The following VCAN variants were observed in gnomAD, a reference collection of about 807,000 sequenced individuals.
VCAN encodes versican core protein.
In VCAN, 44 loss-of-function variants were observed where a neutral mutation model predicts 245.5. The observed-to-expected ratio is 0.18, with a 90% confidence interval of 0.14 to 0.23. VCAN has a LOEUF of 0.23. Ranked by LOEUF, VCAN falls within the 10% of genes least tolerant of loss-of-function variation. The pLI is 1.00. For synonymous variants in VCAN, 1,413 were observed against 1,437.0 expected (o/e 0.98, Z 0.38); for missense variants, 3,793 against 4,057.9 (o/e 0.93, Z 1.77).
intron 5 of VCAN, among the ~76,000 whole-genome samples, chr5:83,498,873 T>A (rs1177057294): frequency 6.6e-6 from 1 of 152,216 alleles, no homozygotes; most frequent in Non-Finnish European, 1.5e-5. Context: ...GTAATTCTCC[T>A]ACTTAACGTT....
intron 5 of VCAN, among the ~76,000 whole-genome samples, chr5:83,505,539 C>T (rs1339467250): frequency 6.6e-6 from 1 of 152,184 alleles, no homozygotes; most frequent in Admixed American, 6.5e-5. Context: ...GGCAGCTCAG[C>T]CCCTGTGGCT....
rs536285088 is a variant in VCAN at position 83,480,414 on chromosome 5, A to T, written c.-6-3099A>T. Among the ~76,000 whole-genome samples the T allele has an allele frequency of 3.3e-5, 5 of 152,230 alleles. No homozygotes were observed. In the East Asian group the frequency reaches 7.7e-4, roughly 24 times the overall value. On this transcript the variant is annotated intron_variant, in intron 1 of 14. Coordinates refer to ENST00000265077, the MANE Select transcript of VCAN (RefSeq NM_004385.5). ...CTTTGGTTTTTTTAAATGAGATTTGACTCTCTAGATATTGACAAACATCAT... is the reference window on the plus strand; with the variant it reads ...CTTTGGTTTTTTTAAATGAGATTTGTCTCTCTAGATATTGACAAACATCAT...
Position 83,494,426 on chromosome 5 carries a change from G to A in VCAN, c.748+495G>A, listed in dbSNP as rs537881765. Among the ~76,000 whole-genome samples, 6 of 152,240 alleles carry A rather than the reference G, an allele frequency of 3.9e-5. 1 individual carries two copies. The South Asian group carries it at 1.2e-3, about 32-fold the overall frequency. Reference sequence around the variant, plus strand: ...GAGCAATCCTTCCTTCATTCAACCAGTCAATACGTTAAACCAGTTAACACA... The same window carrying A: ...GAGCAATCCTTCCTTCATTCAACCAATCAATACGTTAAACCAGTTAACACA... On this transcript the variant is annotated intron_variant, in intron 5 of 14. Transcript: ENST00000265077.
chr5:83,531,108 C>A (rs310512), intron 7 of VCAN, among the ~76,000 whole-genome samples: 12,022 of 152,122 alleles, frequency 0.079, 729 homozygotes, highest in African/African-American at 0.16. Flanking sequence ...ACAGCTTTTG[C>A]TTCTCCATAA....
At position 83,520,779 on chromosome 5, in the gene VCAN, A is replaced by G. The variant is rs1182779081; in HGVS notation, c.2473A>G (p.Lys825Glu). The G allele has an allele frequency of 1.9e-6, 3 of 1,614,154 alleles. No homozygotes were observed. In the East Asian group the frequency reaches 6.7e-5, roughly 36 times the overall value. Residue 825 changes from lysine to glutamate, a missense_variant, in exon 7 of 15, where the codon AAA becomes GAA. Lys to Glu is a moderately conservative substitution (Grantham distance 56). Around this residue, in one of 5 missense-constraint regions of VCAN, gnomAD observed 3,182 missense variants for 3,250.3 expected, o/e 0.98. Transcript: ENST00000265077. The stretch of plus-strand genomic sequence containing the variant: ...GTCTACAGAACCTTCAGCCTCTTCA[A>G]AATTGCCCCCTGCCTTACTCACAAC... Reference protein sequence around the residue: ...LESTEPSASSKLPPALLTTVG... With the variant: ...LESTEPSASSELPPALLTTVG...
chr5:83,549,669 A>G (rs954967777), intron 10 of VCAN, among the ~76,000 whole-genome samples: 2 of 152,212 alleles, frequency 1.3e-5, no homozygotes, highest in Non-Finnish European at 2.9e-5. Flanking sequence ...GAATATTGAA[A>G]GTAAAAAGTG....
At chr5:83,515,934 A>G (rs562719711) in intron 6 of VCAN, among the ~76,000 whole-genome samples, 2 of 152,312 alleles carry the variant, frequency 1.3e-5, no homozygotes, top group South Asian at 4.1e-4. Context: ...TATAACTTTA[A>G]AAAGATAGTT....
At chr5:83,532,557 C>G (rs1275081951) in intron 7 of VCAN, among the ~76,000 whole-genome samples, 1 of 151,886 alleles carries the variant, frequency 6.6e-6, no homozygotes, top group Non-Finnish European at 1.5e-5. Flanking sequence ...CTCCTTCAAA[C>G]TGATATTAAG....
intron 14 of VCAN, 65 bp downstream of exon 14, chr5:83,580,227 C>T (rs147469914): frequency 1.2e-4 from 189 of 1,613,672 alleles, no homozygotes; most frequent in Non-Finnish European, 1.5e-4. Flanking sequence ...CTTCATTTTA[C>T]GGCTGTGGTA....
Position 83,539,319 on chromosome 5 carries a change from G to T in VCAN, c.6316G>T (p.Val2106Leu). Reference sequence around the variant, plus strand: ...ATGGTCTAGGCAAGAAGTCAACCCTGTAAGACAAGAAATTGAAAGTGAAAC... The same window carrying T: ...ATGGTCTAGGCAAGAAGTCAACCCTTTAAGACAAGAAATTGAAAGTGAAAC... ...KLWSRQEVNP[V>L]RQEIESETTS... The change falls in exon 8 of 15, where the codon GTA (valine) becomes TTA (leucine). Residue 2106 changes from valine (V) to leucine (L), a missense_variant. Around this residue, in one of 5 missense-constraint regions of VCAN, gnomAD observed 3,182 missense variants for 3,250.3 expected, o/e 0.98. Transcript: ENST00000265077. 6.2e-7 allele frequency: 1 copy of T among 1,614,092 alleles called. No homozygotes were observed. The highest frequency in any genetic ancestry group is 8.5e-7 in the Non-Finnish European group (1 of 1,179,996).
intron 1 of VCAN, among the ~76,000 whole-genome samples, chr5:83,476,692 CGT>C (rs550135081): frequency 1.3e-5 from 2 of 151,464 alleles, no homozygotes; most frequent in Admixed American, 1.3e-4. Flanking sequence ...GTGGGGGGTG[CGT>C]GTGTGTGTGT....
chr5:83,520,526 T>C lies in VCAN; in HGVS notation c.2220T>C (p.Ser740=), dbSNP rs201834775. ...LSEPIHVTES[S]VEMTKSFDFP... ...AGCCAATTCATGTTACAGAGTCTTC[T>C]GTGGAAATGACCAAGTCTTTTGATT... Residue 740 remains serine (S), a synonymous_variant, in exon 7 of 15, where the codon TCT becomes TCC. Transcript: ENST00000265077. 1.3e-4 allele frequency: 214 copies of C among 1,614,064 alleles called. No homozygotes were observed. The East Asian group carries it at 3.2e-3, about 24-fold the overall frequency.
chr5:83,519,627 C>T lies in VCAN; in HGVS notation c.1321C>T (p.Pro441Ser), dbSNP rs754188104. ...GCCCTGGGATATGGATGACTACTCA[C>T]CTTCTGCTTCAGGACCTCTTGGAAA... is the stretch of plus-strand genomic sequence containing the variant. ...KKPWDMDDYSPSASGPLGKLD... is the reference protein window; with the variant it reads ...KKPWDMDDYSSSASGPLGKLD... The change falls in exon 7 of 15, where the codon CCT becomes TCT. Residue 441 changes from proline (P) to serine (S), a missense_variant. Transcript: ENST00000265077. 6.2e-7 allele frequency: 1 copy of T among 1,614,174 alleles called. No individual in the cohort carries two copies. The highest frequency in any genetic ancestry group is 8.5e-7 in the Non-Finnish European group (1 of 1,179,988).
intron 9 of VCAN, 79 bp from the exon 10 acceptor site, chr5:83,547,892 T>TACC: frequency 1.0e-6 from 1 of 999,390 alleles, no homozygotes; most frequent in Non-Finnish European, 1.6e-6. Context: ...TCTTGTATGT[T>TACC]ATCTTGCAAC....
chr5:83,484,791 A>G (rs544594317), intron 2 of VCAN, among the ~76,000 whole-genome samples: 11 of 152,200 alleles, frequency 7.2e-5, no homozygotes, highest in Non-Finnish European at 1.6e-4. Flanking sequence ...GAGTGACATC[A>G]TAGAGAGTGG....
chr5:83,529,392 C>T (rs942593994), intron 7 of VCAN, among the ~76,000 whole-genome samples: 1 of 142,132 alleles, frequency 7.0e-6, no homozygotes, highest in African/African-American at 2.6e-5. Flanking sequence ...TAAAAAATAA[C>T]ACAAATAAAA....
intron 6 of VCAN, 29 bp from the exon 7 acceptor site, chr5:83,519,320 T>A (rs1483124026): frequency 6.2e-7 from 1 of 1,612,136 alleles, no homozygotes; most frequent in South Asian, 1.1e-5. Context: ...GTGACTTGTC[T>A]AATCAACTCT....
At chr5:83,517,715 T>G (rs1339974176) in intron 6 of VCAN, among the ~76,000 whole-genome samples, 1 of 152,198 alleles carries the variant, frequency 6.6e-6, no homozygotes, top group Non-Finnish European at 1.5e-5. Flanking sequence ...AAAAGGTTAT[T>G]TAATGTTTTT....
chr5:83,519,211 A>G, intron 6 of VCAN, 138 bp from the exon 7 acceptor site: 1 of 744,918 alleles, frequency 1.3e-6, no homozygotes, highest in Non-Finnish European at 2.2e-6. Flanking sequence ...TAGTTTTAAG[A>G]CTCCTCTCCA....
Sources: allele counts gnomAD v4.1 joint callset (sites outside exome capture counted in the v4.1 genomes callset), GRCh38; gene constraint gnomAD v4.1.1; regional missense constraint gnomAD v4.1.1; transcripts MANE v1.5; gene names NCBI Gene and HGNC (gene_info 2026-07-23, HGNC 2026-07-21).